Variants in UBE3A observed in about 807,000 individuals in gnomAD.
UBE3A encodes the protein ubiquitin protein ligase E3A.
A neutral mutation model predicts 83.4 loss-of-function variants in UBE3A; 6 were observed. That is an observed-to-expected ratio of 0.07 (90% CI 0.04 to 0.14). The LOEUF (loss-of-function observed/expected upper bound fraction) is 0.14. Among genes scored for constraint, UBE3A ranks in the 10% least tolerant of loss-of-function variants. UBE3A has a pLI of 1.00. For synonymous variants in UBE3A, 337 were observed against 355.4 expected (o/e 0.95, Z 0.58); for missense variants, 456 against 1,036.1 (o/e 0.44, Z 7.69).
chr15:25,405,396 C>T (rs892240650), intron 4 of UBE3A, 65 bp downstream of exon 4: 25 of 1,509,772 alleles, frequency 1.7e-5, no homozygotes, highest in South Asian at 2.3e-5. Context: ...AATAATGTGA[C>T]GTAATTTAAA....
intron 4 of UBE3A, among the ~76,000 whole-genome samples, chr15:25,400,088 C>G (rs1200832736): frequency 6.6e-6 from 1 of 151,936 alleles, no homozygotes; most frequent in Non-Finnish European, 1.5e-5. Context: ...TGCATTAAAA[C>G]TGCAGATTGC....
chr15:25,392,529 T>C lies in UBE3A; in HGVS notation c.62+12932A>G, dbSNP rs567161224. 1.2e-4 allele frequency among the ~76,000 whole-genome samples: 18 copies of C among 152,128 alleles called. No homozygotes were observed. The South Asian group carries it at 3.3e-3, about 28-fold the overall frequency. On this transcript the variant is annotated intron_variant, in intron 4 of 12. Transcript: ENST00000648336. Reference sequence around the variant, plus strand: ...TATAAATTCTGCTTGTCAGGCTACATAAAAAGGGCTCTTCAAGGAATTATG... The same window carrying C: ...TATAAATTCTGCTTGTCAGGCTACACAAAAAGGGCTCTTCAAGGAATTATG...
rs6576418 is a variant in UBE3A, at chr15:25,334,699, C to A, written c.*4438G>T. 6.6e-6 allele frequency: 1 copy of A among 151,696 alleles called. No homozygotes were observed. The allele number at this position is 151,696 out of a possible 1,614,324, so 9.4% of individuals were successfully genotyped here. ...AGACAGTGCGGTGCTGGTATAACGA[C>A]AGACATATAGGGCAATGGAGTAAGA... On this transcript the variant is annotated 3_prime_UTR_variant, in exon 13 of 13. Coordinates refer to ENST00000648336, the MANE Select transcript of UBE3A (RefSeq NM_130839.5).
rs1414113189 is a variant in UBE3A at position 25,336,184 on chromosome 15, A to G, written c.*2953T>C. Reference sequence around the variant, plus strand: ...AACACTGTTGAGGTAAAAGGAGACAAGTGAGGGAGCAAATGGAAGGTGTGT... The same window carrying G: ...AACACTGTTGAGGTAAAAGGAGACAGGTGAGGGAGCAAATGGAAGGTGTGT... On this transcript the variant is annotated 3_prime_UTR_variant, in exon 13 of 13. Transcript: ENST00000648336. 2 of 152,194 alleles carry G rather than the reference A, an allele frequency of 1.3e-5. No homozygotes were observed. The highest frequency in any genetic ancestry group is 1.3e-4 in the Admixed American group (2 of 15,262). 9.4% of individuals were successfully genotyped at this position (152,194 alleles called of 1,614,324 possible).
chr15:25,342,468 C>T (rs948030618), intron 11 of UBE3A, among the ~76,000 whole-genome samples: 1 of 152,100 alleles, frequency 6.6e-6, no homozygotes, highest in Non-Finnish European at 1.5e-5. Flanking sequence ...ATCTCTATTC[C>T]TATAAGTGTT....
intron 4 of UBE3A, among the ~76,000 whole-genome samples, chr15:25,386,723 C>T (rs72697776): frequency 0.12 from 18,059 of 151,154 alleles, 1,152 homozygotes; most frequent in Middle Eastern, 0.23. Context: ...ATCACCTTAC[C>T]TGTAGAGGAA....
intron 1 of UBE3A, among the ~76,000 whole-genome samples, chr15:25,431,005 T>C (rs1192711922): frequency 2.6e-5 from 4 of 152,192 alleles, no homozygotes; most frequent in Admixed American, 6.5e-5. Context: ...TTTAAAGAAA[T>C]ATGCATGATT....
In UBE3A at chr15:25,421,149, C is replaced by T. The variant is rs910443147; in HGVS notation, c.-164-9178G>A. Among the ~76,000 whole-genome samples the T allele has an allele frequency of 6.6e-5, 10 of 152,238 alleles. No homozygotes were observed. In the East Asian group the frequency reaches 1.9e-3, roughly 30 times the overall value. The stretch of plus-strand genomic sequence containing the variant: ...GCAATCCCTCATAGCTTGGTGCTCT[C>T]CTTGGGATACAGAGTGAGTTCGCAG... On this transcript the variant is annotated intron_variant, in intron 1 of 12. Transcript: ENST00000648336.
At chr15:25,384,706 C>T (rs976335234) in intron 4 of UBE3A, among the ~76,000 whole-genome samples, 15 of 151,828 alleles carry the variant, frequency 9.9e-5, no homozygotes, top group Admixed American at 1.3e-4. Flanking sequence ...CCTGAATAGC[C>T]GTAACAATCT....
chr15:25,425,626 C>G (rs1891099696), intron 1 of UBE3A, among the ~76,000 whole-genome samples: 2 of 151,982 alleles, frequency 1.3e-5, no homozygotes, highest in African/African-American at 4.8e-5. Flanking sequence ...TACAGTTAAA[C>G]ACACTTAACA....
chr15:25,374,316 T>G (rs576558384), intron 5 of UBE3A: 3 of 152,444 alleles, frequency 2.0e-5, no homozygotes, highest in Admixed American at 1.3e-4. Context: ...AAAGAGCAGA[T>G]GAGCACATTC....
At chr15:25,345,817 A>C (rs1432899723) in intron 11 of UBE3A, 1 of 152,188 alleles carries the variant, frequency 6.6e-6, no homozygotes, top group Non-Finnish European at 1.5e-5. Context: ...AAAAAGGAAG[A>C]CATGACACAA....
At chr15:25,412,968 C>A (rs1251525734) in intron 1 of UBE3A, 1 of 429,870 alleles carries the variant, frequency 2.3e-6, no homozygotes, top group Non-Finnish European at 4.6e-6. Flanking sequence ...TCAGACCAAC[C>A]CAAGAACGCA....
intron 1 of UBE3A, among the ~76,000 whole-genome samples, chr15:25,419,856 A>G (rs80331349): frequency 0.04 from 6,161 of 152,134 alleles, 307 homozygotes; most frequent in East Asian, 0.27. Context: ...TTAAAGGTGC[A>G]TATTGTAAAT....
intron 9 of UBE3A, among the ~76,000 whole-genome samples, chr15:25,355,013 T>C (rs2077034567): frequency 6.6e-6 from 1 of 152,168 alleles, no homozygotes; most frequent in Non-Finnish European, 1.5e-5. Flanking sequence ...AAAACTGTCA[T>C]ACTTATAAAT....
intron 12 of UBE3A, 107 bp downstream of exon 12, chr15:25,339,978 T>C (rs2074460921): frequency 2.1e-6 from 3 of 1,426,332 alleles, no homozygotes; most frequent in South Asian, 2.3e-5. Flanking sequence ...GGGATTTGTA[T>C]ATAAAATCAC....
At chr15:25,378,070 G>A in intron 4 of UBE3A, among the ~76,000 whole-genome samples, 1 of 151,846 alleles carries the variant, frequency 6.6e-6, no homozygotes, top group East Asian at 1.9e-4. Flanking sequence ...AACTATAAGG[G>A]GAAAACAATA....
chr15:25,395,970 C>T (rs879447578), intron 4 of UBE3A, among the ~76,000 whole-genome samples: 3 of 151,972 alleles, frequency 2.0e-5, no homozygotes, highest in Admixed American at 6.6e-5. Flanking sequence ...TCTGGAAGGC[C>T]GAGGCAGGCA....
At position 25,355,416 on chromosome 15, in the gene UBE3A, T is replaced by A. The variant is rs927800124; in HGVS notation, c.2124+476A>T. 1.1e-4 allele frequency among the ~76,000 whole-genome samples: 17 copies of A among 152,224 alleles called. 1 individual carries two copies. Among genetic ancestry groups the A allele is most frequent in the Non-Finnish European group, 1.5e-5 (1 of 68,022 alleles). ...CTATATATTTGTCATAATTTTTTGC[T>A]TGTTATGTTCTGGGTTATTCCCATT... On this transcript the variant is annotated intron_variant, in intron 9 of 12. Coordinates refer to ENST00000648336, the MANE Select transcript of UBE3A (RefSeq NM_130839.5).
Sources: allele counts gnomAD v4.1 joint callset (sites outside exome capture counted in the v4.1 genomes callset), GRCh38; gene constraint gnomAD v4.1.1; transcripts MANE v1.5; gene names NCBI Gene and HGNC (gene_info 2026-07-23, HGNC 2026-07-21).